AMPD2: variants seen among roughly 807,000 people sequenced by gnomAD.
AMPD2 encodes AMP deaminase 2.
A neutral mutation model predicts 91.3 loss-of-function variants in AMPD2; 52 were observed. That is an observed-to-expected ratio of 0.57 (90% confidence interval 0.46 to 0.72). The LOEUF is 0.72. AMPD2 is among the 30% of genes least tolerant of loss of function. AMPD2 has a pLI of 0.00. For missense variants in AMPD2, 822 were observed against 1,122.3 expected, an observed-to-expected ratio of 0.73 and a Z score of 3.82; for synonymous variants, 455 against 456.4, an observed-to-expected ratio of 1.00 and a Z score of 0.04.
At chr1:109,630,596 G>C in intron 17 of AMPD2, 87 bp from the exon 18 acceptor site, 1 of 1,053,026 alleles carries the variant, frequency 9.5e-7, no homozygotes, top group East Asian at 2.6e-5. Context: ...GGGGGCGGGG[G>C]TGGGGAGAGT....
At chr1:109,629,668 G>A in intron 15 of AMPD2, 128 bp from the exon 16 acceptor site, 1 of 1,468,794 alleles carries the variant, frequency 6.8e-7, no homozygotes, top group Non-Finnish European at 9.2e-7. Context: ...ATCTACCCCT[G>A]TCCCCCTTAT....
intron 2 of AMPD2, chr1:109,622,165 A>AT (rs145588200): frequency 2.2e-6 from 1 of 455,504 alleles, no homozygotes; most frequent in Non-Finnish European, 4.4e-6. Flanking sequence ...AACCTCCTAT[A>AT]TTTTTTTGTT....
rs1200977295 is a variant in AMPD2 at position 109,625,356 on chromosome 1, G to T, written c.145G>T (p.Gly49Cys). The change falls in exon 3 of 19, where the codon GGC (glycine) becomes TGC (cysteine). Residue 49 changes from glycine to cysteine, a missense_variant. Around this residue, in one of 5 missense-constraint regions of AMPD2, gnomAD observed 105 missense variants for 125.0 expected, o/e 0.84. Coordinates refer to ENST00000528667, the MANE Select transcript of AMPD2 (RefSeq NM_001368809.2). This position sits in a 1 kb window ranked among gnomAD's most constrained non-coding sequence, Gnocchi z 4.0. ...GCTGCAGTCTGCCCGATCCCTGCCGGGCCCCGCCCCCTGCCTCAAGCACTT... is the reference window on the plus strand; with the variant it reads ...GCTGCAGTCTGCCCGATCCCTGCCGTGCCCCGCCCCCTGCCTCAAGCACTT... The part of the protein sequence containing the change: ...PPLQSARSLP[G>C]PAPCLKHFPL... The T allele has an allele frequency of 2.5e-6, 4 of 1,613,724 alleles. No homozygotes were observed. Among genetic ancestry groups the T allele is most frequent in the Non-Finnish European group, 3.4e-6 (4 of 1,179,940 alleles).
At position 109,620,936 on chromosome 1, in the gene AMPD2, C is replaced by G. The variant is rs1039928270; in HGVS notation, c.-240C>G. 1.1e-4 allele frequency: 170 copies of G among 1,502,474 alleles called. No individual in the cohort carries two copies. The highest frequency in any genetic ancestry group is 1.4e-4 in the Non-Finnish European group (160 of 1,126,536). 93.1% of individuals were successfully genotyped at this position (1,502,474 alleles called of 1,614,324 possible). ...CAGGCCCAGCCACCATCAGTCACGTCACTCCTGGGACTGAGGAGGCAGGGG... is the reference window on the plus strand; with the variant it reads ...CAGGCCCAGCCACCATCAGTCACGTGACTCCTGGGACTGAGGAGGCAGGGG... On this transcript the variant is annotated 5_prime_UTR_variant, in exon 2 of 19. Coordinates refer to ENST00000528667, the MANE Select transcript of AMPD2 (RefSeq NM_001368809.2).
chr1:109,627,102 G>A (rs968677640), intron 7 of AMPD2, 73 bp from the exon 8 acceptor site: 10 of 1,601,568 alleles, frequency 6.2e-6, no homozygotes, highest in African/African-American at 5.4e-5. Context: ...CTTGCCCTCT[G>A]TGGGGCCTTT....
In AMPD2 at chr1:109,630,698, G is replaced by A; in HGVS notation, c.2173G>A (p.Glu725Lys). ...FHFTKEPLME[E>K]YSIATQVWKL... The stretch of plus-strand genomic sequence containing the variant: ...GCCCGTGCAGGAGCCGCTGATGGAG[G>A]AGTACAGCATCGCCACCCAGGTGTG... The change falls in exon 18 of 19, where the codon GAG becomes AAG. Residue 725 changes from glutamate to lysine, a missense_variant. By Grantham distance (56) the Glu-to-Lys change is moderately conservative. Coordinates refer to ENST00000528667, the MANE Select transcript of AMPD2 (RefSeq NM_001368809.2). The A allele has an allele frequency of 6.2e-7, 1 of 1,611,906 alleles. No homozygotes were observed. Among genetic ancestry groups the A allele is most frequent in the Non-Finnish European group, 8.5e-7 (1 of 1,179,426 alleles).
Position 109,630,685 on chromosome 1 carries a change from G to A in AMPD2, c.2160G>A (p.Glu720=). The A allele has an allele frequency of 6.2e-7, 1 of 1,610,104 alleles. No individual in the cohort carries two copies. Among genetic ancestry groups the A allele is most frequent in the Non-Finnish European group, 8.5e-7 (1 of 1,178,776 alleles). Residue 720 remains glutamate (E), a splice_region_variant and synonymous_variant, in exon 18 of 19, where the codon GAG becomes GAA. Coordinates refer to ENST00000528667, the MANE Select transcript of AMPD2 (RefSeq NM_001368809.2). The part of the protein sequence containing the change: ...DDPLQFHFTK[E]PLMEEYSIAT... ...CTGAGGGAACCTGGCCCGTGCAGGAGCCGCTGATGGAGGAGTACAGCATCG... is the reference window on the plus strand; with the variant it reads ...CTGAGGGAACCTGGCCCGTGCAGGAACCGCTGATGGAGGAGTACAGCATCG...
chr1:109,626,922 C>T lies in AMPD2; in HGVS notation c.718+10C>T. Reference sequence around the variant, plus strand: ...ACCCCTGTGTCTGCTGGTGGGACTCCCCATCTCTGCCCCATGCCATGTGCC... The same window carrying T: ...ACCCCTGTGTCTGCTGGTGGGACTCTCCATCTCTGCCCCATGCCATGTGCC... On this transcript the variant is annotated intron_variant, in intron 7 of 18. Transcript: ENST00000528667. 3 of 1,608,296 alleles carry T rather than the reference C, an allele frequency of 1.9e-6. No individual in the cohort carries two copies. Among genetic ancestry groups the T allele is most frequent in the South Asian group, 1.1e-5 (1 of 90,576 alleles).
intron 17 of AMPD2, 76 bp from the exon 18 acceptor site, chr1:109,630,607 G>A (rs1299355724): frequency 1.5e-6 from 2 of 1,303,892 alleles, no homozygotes; most frequent in Non-Finnish European, 2.1e-6. Flanking sequence ...TGGGGAGAGT[G>A]AGTGAGGAGG....
In AMPD2 at chr1:109,630,788, C is replaced by A. The variant is rs1651177808; in HGVS notation, c.2263C>A (p.His755Asn). Residue 755 changes from histidine (H) to asparagine (N), a missense_variant, in exon 18 of 19, where the codon CAC becomes AAC. His to Asn is a moderately conservative substitution (Grantham distance 68, BLOSUM62 1). Transcript: ENST00000528667. ...RNSVLMSGFSHKVKSHWLGPN... is the reference protein window; with the variant it reads ...RNSVLMSGFSNKVKSHWLGPN... ...CAGCGTGCTCATGAGCGGCTTCTCGCACAAGGTACTACAGCGCCTGCCTGG... is the reference window on the plus strand; with the variant it reads ...CAGCGTGCTCATGAGCGGCTTCTCGAACAAGGTACTACAGCGCCTGCCTGG... 1 of 1,607,736 alleles carries A rather than the reference C, an allele frequency of 6.2e-7. No individual in the cohort carries two copies. The highest frequency in any genetic ancestry group is 8.5e-7 in the Non-Finnish European group (1 of 1,177,440).
intron 6 of AMPD2, 133 bp from the exon 7 acceptor site, chr1:109,626,593 C>G: frequency 7.3e-7 from 1 of 1,363,576 alleles, no homozygotes; most frequent in African/African-American, 1.5e-5. Context: ...TGTGCTGGAC[C>G]AGGGTGATCT....
Position 109,625,171 on chromosome 1 carries a change from C to T in AMPD2, c.92-132C>T, listed in dbSNP as rs892249977. On this transcript the variant is annotated intron_variant, in intron 2 of 18. Coordinates refer to ENST00000528667, the MANE Select transcript of AMPD2 (RefSeq NM_001368809.2). This position sits in a 1 kb window ranked among gnomAD's most constrained non-coding sequence, Gnocchi z 4.0. ...GAGCCACACACACAGGCCTACTCCTCAGCTACTGAGGAGGGACTGCCCTCT... is the reference window on the plus strand; with the variant it reads ...GAGCCACACACACAGGCCTACTCCTTAGCTACTGAGGAGGGACTGCCCTCT... 1.6e-6 allele frequency: 2 copies of T among 1,289,164 alleles called. No individual in the cohort carries two copies. The highest frequency in any genetic ancestry group is 2.1e-6 in the Non-Finnish European group (2 of 943,794). The allele number at this position is 1,289,164 out of a possible 1,614,324, so 79.9% of individuals were successfully genotyped here. A position where few individuals can be genotyped will look rare whatever the true frequency, so the allele number is the denominator to read the frequency against.
chr1:109,627,744 A>G (rs1650828858), intron 9 of AMPD2, 30 bp from the exon 10 acceptor site: 2 of 1,612,090 alleles, frequency 1.2e-6, no homozygotes, highest in Non-Finnish European at 1.7e-6. Flanking sequence ...TTCAGGGCCT[A>G]AGTCCCTGCC....
chr1:109,621,429 T>TGGGGGG, intron 2 of AMPD2, 163 bp downstream of exon 2: 1 of 139,166 alleles, frequency 7.2e-6, no homozygotes, highest in South Asian at 3.9e-5. Context: ...GAAGGTGGGG[T>TGGGGGG]GAGGGGTGGT....
chr1:109,628,061 G>A lies in AMPD2; in HGVS notation c.1081-22G>A. The A allele has an allele frequency of 6.2e-7, 1 of 1,609,188 alleles. No homozygotes were observed. Among genetic ancestry groups the A allele is most frequent in the Non-Finnish European group, 8.5e-7 (1 of 1,176,978 alleles). On this transcript the variant is annotated intron_variant, in intron 10 of 18. Transcript: ENST00000528667. This position sits in a 1 kb window ranked among gnomAD's most constrained non-coding sequence, Gnocchi z 7.1. Reference sequence around the variant, plus strand: ...GACCTTCCTGGCCTCTGGTGGATCAGCAGTGCCCTGTTCCATTCCAGGTGG... The same window carrying A: ...GACCTTCCTGGCCTCTGGTGGATCAACAGTGCCCTGTTCCATTCCAGGTGG...
In AMPD2 at chr1:109,630,732, G is replaced by A; in HGVS notation, c.2207G>A (p.Ser736Asn). 1 of 1,612,234 alleles carries A rather than the reference G, an allele frequency of 6.2e-7. No individual in the cohort carries two copies. Among genetic ancestry groups the A allele is most frequent in the Non-Finnish European group, 8.5e-7 (1 of 1,179,470 alleles). ...ATCGCCACCCAGGTGTGGAAGCTCAGCTCCTGCGATATGTGTGAGCTGGCC... is the reference window on the plus strand; with the variant it reads ...ATCGCCACCCAGGTGTGGAAGCTCAACTCCTGCGATATGTGTGAGCTGGCC... The part of the protein sequence containing the change: ...YSIATQVWKL[S>N]SCDMCELARN... The change falls in exon 18 of 19, where the codon AGC (serine) becomes AAC (asparagine). Residue 736 changes from serine to asparagine, a missense_variant. This residue lies in a region of AMPD2 where 430 missense variants were observed against 606.0 expected (regional missense o/e 0.71). Coordinates refer to ENST00000528667, the MANE Select transcript of AMPD2 (RefSeq NM_001368809.2).
At chr1:109,630,139 C>T (rs535094424) in intron 16 of AMPD2, 94 bp from the exon 17 acceptor site, 1 of 1,433,824 alleles carries the variant, frequency 7.0e-7, no homozygotes, top group Admixed American at 1.7e-5. Flanking sequence ...TCCCCTCCCC[C>T]TGCCCTCTGC....
chr1:109,624,227 T>G lies in AMPD2; in HGVS notation c.92-1076T>G. On this transcript the variant is annotated intron_variant, in intron 2 of 18. Coordinates refer to ENST00000528667, the MANE Select transcript of AMPD2 (RefSeq NM_001368809.2). The surrounding 1 kb of genome is among the most constrained non-coding windows in gnomAD (Gnocchi z 5.2). Reference sequence around the variant, plus strand: ...TGGGCGCAGAGACTTTAAGGCCGGCTACCTAGGCAGATCCTGTAATCCTTC... The same window carrying G: ...TGGGCGCAGAGACTTTAAGGCCGGCGACCTAGGCAGATCCTGTAATCCTTC... 120 of 265,790 alleles carry G rather than the reference T, an allele frequency of 4.5e-4. No individual in the cohort carries two copies. The highest frequency in any genetic ancestry group is 6.5e-4 in the Non-Finnish European group (111 of 171,960). 16.5% of individuals were successfully genotyped at this position (265,790 alleles called of 1,614,324 possible). A position where few individuals can be genotyped will look rare whatever the true frequency, so the allele number is the denominator to read the frequency against.
At chr1:109,627,397 G>C (rs1276460401) in intron 8 of AMPD2, 32 bp from the exon 9 acceptor site, 1 of 1,614,010 alleles carries the variant, frequency 6.2e-7, no homozygotes, top group Admixed American at 1.7e-5. Flanking sequence ...GGCTCGGCTT[G>C]CTCTCCTCAC....
Sources: gnomAD v4.1 joint callset for allele counts on GRCh38, gnomAD v4.1.1 for gene constraint, gnomAD v4.1.1 regional missense constraint, Gnocchi (gnomAD v3.1) non-coding constraint, MANE v1.5 for transcripts, NCBI Gene and HGNC (gene_info 2026-07-23, HGNC 2026-07-21) for gene names.